Variants in RORA observed in about 807,000 individuals in gnomAD.
RORA encodes RAR related orphan receptor A.
Under a neutral mutation model 69.5 loss-of-function variants are expected in RORA, and 7 were observed. That is an observed-to-expected ratio of 0.10 (90% CI 0.06 to 0.19). The LOEUF is 0.19. Ranked by LOEUF, RORA falls within the 10% of genes least tolerant of loss-of-function variation. The probability of loss-of-function intolerance (pLI) is 1.00; values close to 1 mark genes in which losing one functional copy is unlikely to be tolerated. For synonymous variants in RORA, 261 were observed against 240.8 expected, an observed-to-expected ratio of 1.08 and a Z score of -0.78; for missense variants, 457 against 663.0, an observed-to-expected ratio of 0.69 and a Z score of 3.41.
At chr15:60,636,548 C>T (rs2069842842) in intron 2 of RORA, among the ~76,000 whole-genome samples, 1 of 152,174 alleles carries the variant, frequency 6.6e-6, no homozygotes, top group Non-Finnish European at 1.5e-5. Context: ...ATTATCCCTA[C>T]TAACCAGTAC....
At chr15:61,019,614 G>GA (rs757089812) in intron 1 of RORA, among the ~76,000 whole-genome samples, 4 of 152,042 alleles carry the variant, frequency 2.6e-5, no homozygotes, top group African/African-American at 4.8e-5. Context: ...TGAAGGGGGG[G>GA]AAACCTGTCC....
chr15:60,497,678 A>T (rs2065203387), intron 10 of RORA, 59 bp from the exon 11 acceptor site: 2 of 1,367,270 alleles, frequency 1.5e-6, no homozygotes, highest in South Asian at 2.4e-5. Flanking sequence ...ATCAAAGATC[A>T]GGGAACCTGA....
intron 1 of RORA, among the ~76,000 whole-genome samples, chr15:60,693,966 T>C (rs2070866685): frequency 6.6e-6 from 1 of 152,132 alleles, no homozygotes. Context: ...ATATGGAACC[T>C]AATAGGAGCC....
At chr15:60,514,786 G>C in intron 3 of RORA, 29 bp from the exon 4 acceptor site, 12 of 1,603,016 alleles carry the variant, frequency 7.5e-6, no homozygotes, top group Non-Finnish European at 1.0e-5. Context: ...ATATAAAACA[G>C]GTTAGTGTCA....
intron 1 of RORA, among the ~76,000 whole-genome samples, chr15:61,135,321 ACT>A (rs1248956803): frequency 6.6e-6 from 1 of 151,734 alleles, no homozygotes; most frequent in Non-Finnish European, 1.5e-5. Context: ...ACAGAGAGAG[ACT>A]CTGTCTCAAA....
chr15:60,802,409 T>C (rs1168457051), intron 1 of RORA, among the ~76,000 whole-genome samples: 1 of 152,196 alleles, frequency 6.6e-6, no homozygotes, highest in Admixed American at 6.5e-5. Context: ...AAGAGGCTCA[T>C]TTCATTTGTT....
intron 1 of RORA, among the ~76,000 whole-genome samples, chr15:60,717,618 T>A (rs1200430522): frequency 1.3e-5 from 2 of 152,184 alleles, no homozygotes; most frequent in African/African-American, 4.8e-5. Context: ...ATATTTGGCA[T>A]TGTCATTAAT....
At chr15:60,946,087 G>A (rs1230427612) in intron 1 of RORA, among the ~76,000 whole-genome samples, 2 of 152,168 alleles carry the variant, frequency 1.3e-5, no homozygotes, top group Non-Finnish European at 2.9e-5. Flanking sequence ...GTGAAGCCAA[G>A]TGCACCTTTC....
In RORA at chr15:61,077,270, G is replaced by GAA. The variant is rs572644799; in HGVS notation, c.166+151781_166+151782dup. 8.5e-5 allele frequency among the ~76,000 whole-genome samples: 13 copies of GAA among 152,204 alleles called. 2 individuals carry two copies. In the South Asian group the frequency reaches 1.2e-3, roughly 15 times the overall value. ...GTGAGGGGAGAAAGATAAGGAGAGAGAACAAACAAATGATTTTAGAAGGAC... is the reference window on the plus strand; with the variant it reads ...GTGAGGGGAGAAAGATAAGGAGAGAGAAAACAAACAAATGATTTTAGAAGGAC... On this transcript the variant is annotated intron_variant, in intron 1 of 10. Coordinates refer to ENST00000335670, the MANE Select transcript of RORA (RefSeq NM_134261.3).
chr15:60,698,451 T>C (rs1048956476), intron 1 of RORA, among the ~76,000 whole-genome samples: 2 of 152,206 alleles, frequency 1.3e-5, no homozygotes, highest in African/African-American at 2.4e-5. Context: ...GAAAATACTA[T>C]ATATTCACTG....
At chr15:61,146,995 C>G (rs942574324) in intron 1 of RORA, among the ~76,000 whole-genome samples, 5 of 151,254 alleles carry the variant, frequency 3.3e-5, no homozygotes, top group Admixed American at 3.3e-4. Flanking sequence ...ACAAGAAAAC[C>G]CTCTTCAGGC....
rs748706464 is a variant in RORA at position 60,489,678 on chromosome 15, T to C, written c.*7777A>G. On this transcript the variant is annotated 3_prime_UTR_variant, in exon 11 of 11. Transcript: ENST00000335670. ...AACATCCCATGTCGAATTTGCTTTATGGCCCATGTTATGGCAGAGGACGTC... is the reference window on the plus strand; with the variant it reads ...AACATCCCATGTCGAATTTGCTTTACGGCCCATGTTATGGCAGAGGACGTC... 15 of 152,196 alleles carry C rather than the reference T, an allele frequency of 9.9e-5. No individual in the cohort carries two copies. The highest frequency in any genetic ancestry group is 1.8e-4 in the Non-Finnish European group (12 of 68,030). The allele number at this position is 152,196 out of a possible 1,614,324, so 9.4% of individuals were successfully genotyped here.
chr15:60,517,123 T>TTTC (rs398118910), intron 3 of RORA, among the ~76,000 whole-genome samples: 5 of 150,360 alleles, frequency 3.3e-5, no homozygotes, highest in African/African-American at 4.9e-5. Context: ...TTTTTTTTTT[T>TTTC]CCCCCCTACA....
intron 1 of RORA, among the ~76,000 whole-genome samples, chr15:61,062,516 C>T (rs1005198065): frequency 2.0e-5 from 3 of 152,076 alleles, no homozygotes; most frequent in African/African-American, 7.2e-5. Context: ...TGTTGAGAGA[C>T]AGGAGGAGCG....
chr15:60,694,610 C>G (rs965174633), intron 1 of RORA, among the ~76,000 whole-genome samples: 3 of 152,200 alleles, frequency 2.0e-5, no homozygotes, highest in African/African-American at 7.2e-5. Context: ...GGGCCTCGCC[C>G]AAACCTCGAG....
chr15:60,785,448 T>A (rs2140342462), intron 1 of RORA, among the ~76,000 whole-genome samples: 1 of 152,306 alleles, frequency 6.6e-6, no homozygotes, highest in Non-Finnish European at 1.5e-5. Context: ...AAGTGAGGCA[T>A]AAAAAGGAAA....
At position 60,494,779 on chromosome 15, in the gene RORA, T is replaced by A. The variant is rs1015402237; in HGVS notation, c.*2676A>T. ...AGAAGCATCATATTACCTATCTTGGTTTACCGTAAAAGCAATGTCACCATG... is the reference window on the plus strand; with the variant it reads ...AGAAGCATCATATTACCTATCTTGGATTACCGTAAAAGCAATGTCACCATG... On this transcript the variant is annotated 3_prime_UTR_variant, in exon 11 of 11. Transcript: ENST00000335670. The A allele has an allele frequency of 2.0e-5, 3 of 152,216 alleles. No individual in the cohort carries two copies. The highest frequency in any genetic ancestry group is 6.5e-5 in the Admixed American group (1 of 15,274). 9.4% of individuals were successfully genotyped at this position (152,216 alleles called of 1,614,324 possible).
At chr15:60,555,761 T>G (rs1237118349) in intron 2 of RORA, among the ~76,000 whole-genome samples, 1 of 152,124 alleles carries the variant, frequency 6.6e-6, no homozygotes, top group African/African-American at 2.4e-5. Context: ...TTTTCCTTTT[T>G]TCTTACTACT....
chr15:60,591,645 C>T (rs2068516210), intron 2 of RORA, among the ~76,000 whole-genome samples: 1 of 152,198 alleles, frequency 6.6e-6, no homozygotes, highest in South Asian at 2.1e-4. Context: ...GCCCGCGGAT[C>T]CCGTGGGCTG....
Sources: allele counts gnomAD v4.1 joint callset (sites outside exome capture counted in the v4.1 genomes callset), GRCh38; gene constraint gnomAD v4.1.1; transcripts MANE v1.5; gene names NCBI Gene and HGNC (gene_info 2026-07-23, HGNC 2026-07-21).